Variants in ST6GAL1 observed in about 807,000 individuals in gnomAD.
ST6GAL1 encodes the protein beta-galactoside alpha-2,6-sialyltransferase 1.
ST6GAL1 carries 20 observed loss-of-function variants against 38.0 expected under a neutral mutation model. That is an observed-to-expected ratio of 0.53 (90% CI 0.37 to 0.77). ST6GAL1 has a LOEUF of 0.77. ST6GAL1 is among the 30% of genes least tolerant of loss of function. The pLI, the probability that ST6GAL1 is intolerant of heterozygous loss-of-function variation, is 0.00. For missense variants in ST6GAL1, 432 were observed against 496.4 expected (o/e 0.87, Z 1.23); for synonymous variants, 196 against 188.2 (o/e 1.04, Z -0.34).
chr3:187,010,791 C>T (rs879451706), intron 2 of ST6GAL1, among the ~76,000 whole-genome samples: 12 of 152,314 alleles, frequency 7.9e-5, no homozygotes, highest in East Asian at 5.8e-4. Flanking sequence ...CCCAAAGCCC[C>T]GCGTCTATCA....
At chr3:186,998,203 A>T (rs553494660) in intron 2 of ST6GAL1, among the ~76,000 whole-genome samples, 1 of 152,236 alleles carries the variant, frequency 6.6e-6, no homozygotes. Context: ...TTGAAAGTCC[A>T]TGTATATTTT....
intron 1 of ST6GAL1, chr3:186,948,847 C>T (rs748202914): frequency 1.3e-5 from 2 of 152,574 alleles, no homozygotes; most frequent in Non-Finnish European, 2.9e-5. Flanking sequence ...ACTGGTTTCT[C>T]TGCACAGCCC....
chr3:186,943,656 G>A (rs1399167045), intron 1 of ST6GAL1, among the ~76,000 whole-genome samples: 1 of 152,040 alleles, frequency 6.6e-6, no homozygotes, highest in Non-Finnish European at 1.5e-5. Flanking sequence ...CACCATGTTG[G>A]TCAGGCTGGT....
At chr3:186,981,369 TTATG>T (rs1330351359) in intron 2 of ST6GAL1, among the ~76,000 whole-genome samples, 1 of 152,232 alleles carries the variant, frequency 6.6e-6, no homozygotes, top group Non-Finnish European at 1.5e-5. Flanking sequence ...TTTGGTTTGC[TTATG>T]TAGAAGCTCT....
At chr3:186,954,045 T>C (rs2108522291) in intron 1 of ST6GAL1, among the ~76,000 whole-genome samples, 1 of 152,222 alleles carries the variant, frequency 6.6e-6, no homozygotes, top group South Asian at 2.1e-4. Context: ...TGTGTTCTTA[T>C]TGTTTAGCTC....
chr3:187,006,587 A>AT (rs1345908400), intron 2 of ST6GAL1: 1 of 152,206 alleles, frequency 6.6e-6, no homozygotes. Flanking sequence ...CTTAATCTTC[A>AT]TAATAATTCT....
intron 5 of ST6GAL1, among the ~76,000 whole-genome samples, chr3:187,056,404 T>A (rs1348162268): frequency 1.3e-5 from 2 of 152,198 alleles, no homozygotes; most frequent in African/African-American, 2.4e-5. Flanking sequence ...CATTGATGGT[T>A]TTTACAATGT....
intron 1 of ST6GAL1, among the ~76,000 whole-genome samples, chr3:186,933,184 C>T (rs539717659): frequency 1.3e-5 from 2 of 152,302 alleles, no homozygotes; most frequent in South Asian, 2.1e-4. Flanking sequence ...CGCTGCCGTG[C>T]CCACCTTTGA....
chr3:187,031,797 A>C lies in ST6GAL1; in HGVS notation c.-182-6945A>C, dbSNP rs79281619. 8.5e-5 allele frequency among the ~76,000 whole-genome samples: 13 copies of C among 152,260 alleles called. No homozygotes were observed. In the South Asian group the frequency reaches 2.7e-3, roughly 32 times the overall value. Reference sequence around the variant, plus strand: ...TGAGGTAGGACTTGTTATTATTACTATTTCTATTTTATAGATAAAGATGTC... The same window carrying C: ...TGAGGTAGGACTTGTTATTATTACTCTTTCTATTTTATAGATAAAGATGTC... On this transcript the variant is annotated intron_variant, in intron 2 of 7. Coordinates refer to ENST00000169298, the MANE Select transcript of ST6GAL1 (RefSeq NM_173216.2).
chr3:186,950,418 A>T (rs1322957344), intron 1 of ST6GAL1, among the ~76,000 whole-genome samples: 1 of 152,150 alleles, frequency 6.6e-6, no homozygotes, highest in Non-Finnish European at 1.5e-5. Context: ...GAGGGTGTTG[A>T]GGTGGCACTT....
chr3:187,048,266 A>C (rs1450931126), intron 4 of ST6GAL1, among the ~76,000 whole-genome samples: 2 of 151,996 alleles, frequency 1.3e-5, no homozygotes, highest in African/African-American at 4.8e-5. Context: ...TCTTAGAATC[A>C]CGTCCAAACT....
chr3:187,047,113 T>G (rs1458510390), intron 4 of ST6GAL1, among the ~76,000 whole-genome samples: 1 of 152,030 alleles, frequency 6.6e-6, no homozygotes, highest in Non-Finnish European at 1.5e-5. Context: ...GCCTGGCTAA[T>G]TTTTTGTATT....
intron 5 of ST6GAL1, among the ~76,000 whole-genome samples, chr3:187,054,132 T>C (rs1718608508): frequency 6.6e-6 from 1 of 152,228 alleles, no homozygotes; most frequent in South Asian, 2.1e-4. Flanking sequence ...ATGCTTGTGA[T>C]GTTTGCACAT....
At chr3:187,019,592 G>GAT (rs1296453294) in intron 2 of ST6GAL1, among the ~76,000 whole-genome samples, 1 of 152,224 alleles carries the variant, frequency 6.6e-6, no homozygotes, top group Admixed American at 6.5e-5. Context: ...AGCTATCCCT[G>GAT]ATATGAGGAA....
At chr3:186,940,061 T>G in intron 1 of ST6GAL1, among the ~76,000 whole-genome samples, 1 of 152,198 alleles carries the variant, frequency 6.6e-6, no homozygotes, top group Non-Finnish European at 1.5e-5. Flanking sequence ...CAAAGTCCTC[T>G]CCTTAATCCA....
intron 7 of ST6GAL1, among the ~76,000 whole-genome samples, chr3:187,074,537 G>A (rs894743171): frequency 1.3e-5 from 2 of 152,192 alleles, no homozygotes; most frequent in Non-Finnish European, 2.9e-5. Context: ...GGCATCTATT[G>A]GGGAGGTCAA....
intron 2 of ST6GAL1, among the ~76,000 whole-genome samples, chr3:186,970,903 T>A (rs1388202359): frequency 6.6e-6 from 1 of 152,204 alleles, no homozygotes. Flanking sequence ...AATTTTTGCT[T>A]CTCTGATATA....
intron 1 of ST6GAL1, among the ~76,000 whole-genome samples, chr3:186,935,754 G>T (rs547044390): frequency 6.6e-6 from 1 of 152,106 alleles, no homozygotes; most frequent in Admixed American, 6.6e-5. Flanking sequence ...GAATGACCCC[G>T]TAGGGTAAGC....
In ST6GAL1 at chr3:187,074,343, T is replaced by C; in HGVS notation, c.979+10T>C. 1.3e-6 allele frequency: 2 copies of C among 1,559,076 alleles called. No homozygotes were observed. The highest frequency in any genetic ancestry group is 2.3e-5 in the East Asian group (1 of 43,170). On this transcript the variant is annotated intron_variant, in intron 7 of 7. Transcript: ENST00000169298. ...TCCTCTGGGATGCTTGGTGAGTTCA[T>C]GTCGGGGAAAAGACCTTGCATGTTT...
Sources: gnomAD v4.1 joint callset for allele counts (sites outside exome capture counted in the v4.1 genomes callset) on GRCh38, gnomAD v4.1.1 for gene constraint, MANE v1.5 for transcripts, NCBI Gene and HGNC (gene_info 2026-07-23, HGNC 2026-07-21) for gene names.